Variants in RAET1G observed in about 807,000 individuals in gnomAD.
The protein encoded by RAET1G is retinoic acid early transcript 1G.
A neutral mutation model predicts 29.5 loss-of-function variants in RAET1G; 25 were observed. The ratio of observed to expected loss-of-function variants is 0.85; its 90% CI spans 0.62 to 1.18. The LOEUF is 1.18. Ranked by LOEUF, RAET1G falls within the 50% of genes most tolerant of loss-of-function variation. The pLI is 0.00. For missense variants in RAET1G, 434 were observed against 423.6 expected (o/e 1.02, Z -0.22); for synonymous variants, 167 against 159.5 (o/e 1.05, Z -0.36).
intron 3 of RAET1G, 110 bp from the exon 4 acceptor site, chr6:149,918,494 C>G: frequency 7.8e-7 from 1 of 1,274,626 alleles, no homozygotes; most frequent in Non-Finnish European, 1.1e-6. Flanking sequence ...GGTTTTGTCC[C>G]CTCTGCTATG....
At position 149,919,685 on chromosome 6, in the gene RAET1G, G is replaced by C. The variant is rs373872065; in HGVS notation, c.217C>G (p.Pro73Ala). The C allele has an allele frequency of 1.5e-4, 235 of 1,613,980 alleles. 2 individuals carry two copies. In the African/African-American group the frequency reaches 2.9e-3, roughly 20 times the overall value. The change falls in exon 2 of 5, where the codon CCC becomes GCC. Residue 73 changes from proline (P) to alanine (A), a missense_variant. Physicochemically the swap from Pro to Ala is conservative, Grantham distance 27. Coordinates refer to ENST00000367360, the MANE Select transcript of RAET1G (RefSeq NM_001001788.4). ...HYDCGSKTVT[P>A]VSPLGKKLNV... ...AGTTTCTTCCCCAGGGGACTGACGG[G>C]TGTGACTGTCTTGCTGCCACAGTCA...
Position 149,922,320 on chromosome 6 carries a change from G to T in RAET1G, c.85+606C>A, listed in dbSNP as rs546695403. Among the ~76,000 whole-genome samples, 20 of 152,304 alleles carry T rather than the reference G, an allele frequency of 1.3e-4. No homozygotes were observed. The South Asian group carries it at 3.9e-3, about 30-fold the overall frequency. On this transcript the variant is annotated intron_variant, in intron 1 of 4. Coordinates refer to ENST00000367360, the MANE Select transcript of RAET1G (RefSeq NM_001001788.4). ...GATGGGGAGACCTCTGGGGTGACCA[G>T]CTGGGCTGAGGTGGGGAGTAAGAGG...
chr6:149,917,129 C>G lies in RAET1G; in HGVS notation c.843-55G>C, dbSNP rs1778461344. The G allele has an allele frequency of 2.0e-6, 3 of 1,475,398 alleles. No individual in the cohort carries two copies. In the Admixed American group the frequency reaches 7.0e-5, roughly 34 times the overall value. 91.4% of individuals were successfully genotyped at this position (1,475,398 alleles called of 1,614,324 possible). A position where few individuals can be genotyped will look rare whatever the true frequency, so the allele number is the denominator to read the frequency against. Reference sequence around the variant, plus strand: ...GTCATTGTTTCTTCTATGTATTTCTCGGACTTCAATACTTTCACTAATTCT... The same window carrying G: ...GTCATTGTTTCTTCTATGTATTTCTGGGACTTCAATACTTTCACTAATTCT... On this transcript the variant is annotated intron_variant, in intron 4 of 4. Coordinates refer to ENST00000367360, the MANE Select transcript of RAET1G (RefSeq NM_001001788.4).
At position 149,919,697 on chromosome 6, in the gene RAET1G, T is replaced by G; in HGVS notation, c.205A>C (p.Lys69Gln). Residue 69 changes from lysine to glutamine, a missense_variant, in exon 2 of 5, where the codon AAG becomes CAG. Physicochemically the swap from Lys to Gln is moderately conservative, Grantham distance 53. Transcript: ENST00000367360. ...AGGGGACTGACGGGTGTGACTGTCT[T>G]GCTGCCACAGTCATAGTGAAGAAAA... Reference protein sequence around the residue: ...KTFLHYDCGSKTVTPVSPLGK... With the variant: ...KTFLHYDCGSQTVTPVSPLGK... 6.2e-7 allele frequency: 1 copy of G among 1,613,982 alleles called. No individual in the cohort carries two copies. The highest frequency in any genetic ancestry group is 8.5e-7 in the Non-Finnish European group (1 of 1,179,836).
At position 149,923,096 on chromosome 6, in the gene RAET1G, G is replaced by A. The variant is rs577983066; in HGVS notation, c.-86C>T. On this transcript the variant is annotated 5_prime_UTR_variant, in exon 1 of 5. In the 5' UTR this introduces an upstream ATG that the reference lacks. Transcript: ENST00000367360. ...CTCGCAGGCTGTCTGAATGCAGCCC[G>A]TCTGAATGCAGCCCTAAACTCCAGT... 1.2e-6 allele frequency: 1 copy of A among 839,270 alleles called. No individual in the cohort carries two copies. The highest frequency in any genetic ancestry group is 1.8e-6 in the Non-Finnish European group (1 of 562,748). 52.0% of individuals were successfully genotyped at this position (839,270 alleles called of 1,614,324 possible).
intron 1 of RAET1G, among the ~76,000 whole-genome samples, chr6:149,921,629 T>G (rs1247284104): frequency 6.6e-6 from 1 of 152,088 alleles, no homozygotes; most frequent in Non-Finnish European, 1.5e-5. Flanking sequence ...ACCCTCAGCT[T>G]ACACCTCAGG....
rs189388116 is a variant in RAET1G, at chr6:149,919,809, G to A, written c.93C>T (p.His31=). The part of the protein sequence containing the change: ...SWCRTGLADP[H]SLCYDITVIP... ...TGACGGTGATGTCATAGCAAAGAGA[G>A]TGAGGGTCTGTGGAGAAAGGCAGGT... The change falls in exon 2 of 5, where the codon CAC becomes CAT. Residue 31 remains histidine (H), a synonymous_variant. Coordinates refer to ENST00000367360, the MANE Select transcript of RAET1G (RefSeq NM_001001788.4). The A allele has an allele frequency of 1.5e-3, 2,465 of 1,612,084 alleles. 47 individuals are homozygous for A. The African/African-American group carries it at 0.03, about 19-fold the overall frequency.
intron 1 of RAET1G, among the ~76,000 whole-genome samples, chr6:149,922,677 A>G (rs1476185643): frequency 6.6e-6 from 1 of 152,100 alleles, no homozygotes; most frequent in Non-Finnish European, 1.5e-5. Context: ...CGCCCTCTGC[A>G]GCCCTCTGGC....
intron 1 of RAET1G, among the ~76,000 whole-genome samples, chr6:149,920,139 G>A (rs1341157065): frequency 2.6e-5 from 4 of 152,228 alleles, no homozygotes; most frequent in South Asian, 2.1e-4. Context: ...GGATGACAGA[G>A]GATCTTCAGC....
Position 149,919,241 on chromosome 6 carries a change from C to T in RAET1G, c.433G>A (p.Gly145Arg). ...GAGTCAAAGAGGAGGAAGATCTGTC[C>T]ATCGAAACTGAGCTGCCAAGATCCA... Reference protein sequence around the residue: ...GSGSWQLSFDGQIFLLFDSEN... With the variant: ...GSGSWQLSFDRQIFLLFDSEN... The change falls in exon 3 of 5, where the codon GGA (glycine) becomes AGA (arginine). Residue 145 changes from glycine to arginine, a missense_variant. Transcript: ENST00000367360. 1 of 1,614,200 alleles carries T rather than the reference C, an allele frequency of 6.2e-7. No individual in the cohort carries two copies.
rs576510755 is a variant in RAET1G at position 149,921,334 on chromosome 6, G to A, written c.86-1518C>T. ...TGTGAATGTTCAGAGGCAAGGCAAC[G>A]CCACTCACAGCAAGGAAATCTCAAC... is the stretch of plus-strand genomic sequence containing the variant. On this transcript the variant is annotated intron_variant, in intron 1 of 4. Coordinates refer to ENST00000367360, the MANE Select transcript of RAET1G (RefSeq NM_001001788.4). Among the ~76,000 whole-genome samples the A allele has an allele frequency of 2.6e-5, 4 of 152,282 alleles. 1 individual carries two copies. The South Asian group carries it at 8.3e-4, about 32-fold the overall frequency.
chr6:149,921,503 A>G (rs1295101615), intron 1 of RAET1G, among the ~76,000 whole-genome samples: 1 of 152,212 alleles, frequency 6.6e-6, no homozygotes, highest in Non-Finnish European at 1.5e-5. Flanking sequence ...GAGGTCTGGC[A>G]GTGAGAAGAC....
chr6:149,919,558 G>T lies in RAET1G; in HGVS notation c.344C>A (p.Pro115His). 6.2e-7 allele frequency: 1 copy of T among 1,613,942 alleles called. No homozygotes were observed. Among genetic ancestry groups the T allele is most frequent in the South Asian group, 1.1e-5 (1 of 91,072 alleles). The change falls in exon 2 of 5, where the codon CCC becomes CAC. Residue 115 changes from proline (P) to histidine (H), a missense_variant. Transcript: ENST00000367360. ...LLDIQLENYI[P>H]KEPLTLQARM... ...CTGGGCCATCTGAAACTTACCCTTGGGTATGTAATTCTCCAGCTGAATGTC... is the reference window on the plus strand; with the variant it reads ...CTGGGCCATCTGAAACTTACCCTTGTGTATGTAATTCTCCAGCTGAATGTC...
Position 149,918,820 on chromosome 6 carries a change from G to A in RAET1G, c.631+223C>T, listed in dbSNP as rs566788930. On this transcript the variant is annotated intron_variant, in intron 3 of 4. Coordinates refer to ENST00000367360, the MANE Select transcript of RAET1G (RefSeq NM_001001788.4). Reference sequence around the variant, plus strand: ...GCTGGTGAGAAATCCACAGTGTGGGGAACAGAAGCAAGTGCAGTGAGGAAG... The same window carrying A: ...GCTGGTGAGAAATCCACAGTGTGGGAAACAGAAGCAAGTGCAGTGAGGAAG... 5.9e-4 allele frequency: 407 copies of A among 692,410 alleles called. No individual in the cohort carries two copies. The African/African-American group carries it at 6.4e-3, about 11-fold the overall frequency. 42.9% of individuals were successfully genotyped at this position (692,410 alleles called of 1,614,324 possible). A position where few individuals can be genotyped will look rare whatever the true frequency, so the allele number is the denominator to read the frequency against.
At chr6:149,922,280 G>A (rs934072264) in intron 1 of RAET1G, among the ~76,000 whole-genome samples, 2 of 152,186 alleles carry the variant, frequency 1.3e-5, no homozygotes, top group South Asian at 2.1e-4. Context: ...AAGAGGTCGC[G>A]AGGGCCCCTT....
At chr6:149,922,823 G>C in intron 1 of RAET1G, 103 bp downstream of exon 1, 1 of 760,396 alleles carries the variant, frequency 1.3e-6, no homozygotes, top group Non-Finnish European at 2.1e-6. Context: ...AGTCCGGGGT[G>C]ATCGCACGGG....
At chr6:149,918,615 C>T in intron 3 of RAET1G, 4 of 627,192 alleles carry the variant, frequency 6.4e-6, no homozygotes, top group East Asian at 5.5e-5. Context: ...AGCCCACCCT[C>T]CTGCTGTGGC....
At chr6:149,918,793 A>T in intron 3 of RAET1G, 2 of 627,514 alleles carry the variant, frequency 3.2e-6, no homozygotes, top group Admixed American at 5.9e-5. Flanking sequence ...TGCAGTTTCG[A>T]GGCTGGTGAG....
intron 1 of RAET1G, among the ~76,000 whole-genome samples, 177 bp downstream of exon 1, chr6:149,922,749 A>G (rs530967154): frequency 8.3e-4 from 127 of 152,140 alleles, no homozygotes; most frequent in African/African-American, 3.0e-3. Context: ...CCCTCGGAGG[A>G]TAAGTAGCCT....
Sources: allele counts gnomAD v4.1 joint callset (sites outside exome capture counted in the v4.1 genomes callset), GRCh38; gene constraint gnomAD v4.1.1; transcripts MANE v1.5; gene names NCBI Gene and HGNC (gene_info 2026-07-23, HGNC 2026-07-21).